Variants in MBP observed in about 807,000 individuals in gnomAD.
MBP encodes Golli-MBP.
In MBP, 16 loss-of-function variants were observed where a neutral mutation model predicts 35.8. That is an observed-to-expected ratio of 0.45 (90% confidence interval 0.30 to 0.68). The LOEUF is 0.68. Ranked by LOEUF, MBP falls within the 30% of genes least tolerant of loss-of-function variation. MBP has a pLI of 0.08. For missense variants in MBP, 380 were observed against 404.7 expected (o/e 0.94, Z 0.52); for synonymous variants, 143 against 159.6 (o/e 0.90, Z 0.78).
At chr18:77,007,774 C>T (rs1390807986) in intron 4 of MBP, among the ~76,000 whole-genome samples, 1 of 152,194 alleles carries the variant, frequency 6.6e-6, no homozygotes, top group Non-Finnish European at 1.5e-5. Context: ...CACCTTTCCG[C>T]GTGTGTCCTG....
At chr18:77,087,673 G>C (rs1445585581) in intron 2 of MBP, 1 of 152,688 alleles carries the variant, frequency 6.5e-6, no homozygotes, top group Non-Finnish European at 1.5e-5. Flanking sequence ...GGGAGGGGAG[G>C]GGAGGCGAGC....
intron 3 of MBP, among the ~76,000 whole-genome samples, chr18:77,036,948 C>T (rs1449324957): frequency 1.6e-5 from 1 of 62,488 alleles, no homozygotes; most frequent in Non-Finnish European, 3.1e-5. Flanking sequence ...GTGCTGGTCA[C>T]ATTTTGGAGA....
intron 2 of MBP, among the ~76,000 whole-genome samples, chr18:77,079,257 C>T (rs879885397): frequency 8.5e-5 from 13 of 152,196 alleles, no homozygotes; most frequent in Admixed American, 7.2e-4. Flanking sequence ...GTTGGAGGGA[C>T]GCTGAGCTCT....
intron 3 of MBP, among the ~76,000 whole-genome samples, chr18:77,063,060 A>G (rs973497493): frequency 6.6e-6 from 1 of 152,194 alleles, no homozygotes; most frequent in African/African-American, 2.4e-5. Context: ...GATGGGATTT[A>G]CTATCATGTC....
intron 4 of MBP, chr18:77,013,088 A>G (rs1446984366): frequency 2.0e-6 from 2 of 985,286 alleles, no homozygotes; most frequent in Non-Finnish European, 2.4e-6. Context: ...CCTCCGATCA[A>G]TAACTGATCA....
At chr18:77,018,464 G>A (rs576651136) in intron 3 of MBP, among the ~76,000 whole-genome samples, 117 of 99,196 alleles carry the variant, frequency 1.2e-3, no homozygotes, top group Middle Eastern at 0.021. Context: ...TCATCCATTC[G>A]TCATCCATCC....
chr18:77,071,479 G>A (rs1974445787), intron 2 of MBP, among the ~76,000 whole-genome samples: 1 of 152,158 alleles, frequency 6.6e-6, no homozygotes, highest in African/African-American at 2.4e-5. Context: ...GCAACCTGAA[G>A]CCATGGTTTT....
At chr18:77,107,673 C>A (rs1312418846) in intron 1 of MBP, among the ~76,000 whole-genome samples, 5 of 152,172 alleles carry the variant, frequency 3.3e-5, no homozygotes, top group African/African-American at 1.2e-4. Context: ...TTGTTCTGAT[C>A]AAATGTTGTC....
At position 76,988,186 on chromosome 18, in the gene MBP, T is replaced by C. The variant is rs1969669305; in HGVS notation, c.750+309A>G. The stretch of plus-strand genomic sequence containing the variant: ...AGGAAGTTAAACATTTTCTCGGACG[T>C]GGTGTTGCTCCCTCCCTGGGAGGGA... On this transcript the variant is annotated intron_variant, in intron 7 of 8. Coordinates refer to ENST00000355994, the MANE Select transcript of MBP (RefSeq NM_001025101.2). This position sits in a 1 kb window ranked among gnomAD's most constrained non-coding sequence, Gnocchi z 5.2. 31 of 1,544,962 alleles carry C rather than the reference T, an allele frequency of 2.0e-5. No homozygotes were observed. The highest frequency in any genetic ancestry group is 2.7e-5 in the Non-Finnish European group (31 of 1,146,880).
intron 2 of MBP, among the ~76,000 whole-genome samples, chr18:77,088,079 C>A (rs1214009048): frequency 1.3e-5 from 2 of 152,164 alleles, no homozygotes; most frequent in Admixed American, 1.3e-4. Context: ...AGGCCGGGTT[C>A]TCGCCCACAG....
At chr18:76,990,949 G>A (rs1423861429) in intron 4 of MBP, 3 of 271,826 alleles carry the variant, frequency 1.1e-5, no homozygotes, top group East Asian at 1.6e-4. Context: ...GGGAAGTGAC[G>A]GTAATTCAAG....
rs1441593800 is a variant in MBP at position 76,979,437 on chromosome 18, GCTGGCCACTGTGCA to G, written c.*976_*989del. On this transcript the variant is annotated 3_prime_UTR_variant, in exon 9 of 9. Coordinates refer to ENST00000355994, the MANE Select transcript of MBP (RefSeq NM_001025101.2). ...GGTTATCTTCTCAGGGAGGGTTAGT[GCTGGCCACTGTGCA>G]CTGCCGCTGCCAGCACGCCCGGTCA... 5.2e-5 allele frequency: 8 copies of G among 154,898 alleles called. No homozygotes were observed. Among genetic ancestry groups the G allele is most frequent in the Admixed American group, 5.1e-4 (8 of 15,648 alleles). 9.6% of individuals were successfully genotyped at this position (154,898 alleles called of 1,614,324 possible).
At chr18:76,984,675 G>A in intron 8 of MBP, 100 bp downstream of exon 8, 7 of 1,541,248 alleles carry the variant, frequency 4.5e-6, no homozygotes, top group Admixed American at 1.7e-5. Context: ...GGTACAGTGC[G>A]GCTGAGCCAG....
chr18:76,987,613 TATTA>T (rs1275649306), intron 7 of MBP: 3 of 985,530 alleles, frequency 3.0e-6, no homozygotes, highest in Admixed American at 6.1e-5. Flanking sequence ...ATATGATGCT[TATTA>T]ATTGAGCAGA....
At chr18:77,029,386 C>CAGAGGG (rs1420278969) in intron 3 of MBP, among the ~76,000 whole-genome samples, 2 of 137,104 alleles carry the variant, frequency 1.5e-5, no homozygotes, top group African/African-American at 5.4e-5. Flanking sequence ...GGCTCGGCAT[C>CAGAGGG]AGAGGGAGAC....
At chr18:77,037,488 A>T (rs1412884885) in intron 3 of MBP, among the ~76,000 whole-genome samples, 2 of 152,188 alleles carry the variant, frequency 1.3e-5, no homozygotes, top group Non-Finnish European at 2.9e-5. Context: ...TTTTTAGGGC[A>T]TTCTCAGCAT....
At chr18:77,115,518 C>A (rs1476397406) in intron 1 of MBP, 1 of 152,230 alleles carries the variant, frequency 6.6e-6, no homozygotes, top group African/African-American at 2.4e-5. Context: ...AGTGGTTGAT[C>A]TGAAATCTCC....
At chr18:76,980,992 C>G (rs1159656720) in intron 8 of MBP, 3 of 156,672 alleles carry the variant, frequency 1.9e-5, no homozygotes, top group Non-Finnish European at 4.2e-5. Context: ...CCAGACAAAT[C>G]AAATGCACAG....
intron 1 of MBP, among the ~76,000 whole-genome samples, chr18:77,129,689 A>G (rs2145265724): frequency 6.6e-6 from 1 of 152,314 alleles, no homozygotes; most frequent in South Asian, 2.1e-4. Context: ...CAATGGGCCA[A>G]CAGAAGTGTC....
Sources: gnomAD v4.1 joint callset for allele counts (sites outside exome capture counted in the v4.1 genomes callset) on GRCh38, gnomAD v4.1.1 for gene constraint, Gnocchi (gnomAD v3.1) non-coding constraint, MANE v1.5 for transcripts, NCBI Gene and HGNC (gene_info 2026-07-23, HGNC 2026-07-21) for gene names.